JAK3: variants seen among roughly 807,000 people sequenced by gnomAD.
JAK3 encodes the protein Janus kinase 3, also known as tyrosine-protein kinase JAK3.
A neutral mutation model predicts 120.8 loss-of-function variants in JAK3; 88 were observed. The observed-to-expected ratio is 0.73, with a 90% confidence interval of 0.61 to 0.87. The LOEUF is 0.87. Among genes scored for constraint, JAK3 ranks in the 40% least tolerant of loss-of-function variants. The pLI is 0.00. For missense variants in JAK3, 1,254 were observed against 1,501.4 expected (o/e 0.84, Z 2.72); for synonymous variants, 592 against 628.6 (o/e 0.94, Z 0.87).
Position 17,847,972 on chromosome 19 carries a change from G to T in JAK3, c.-40C>A. On this transcript the variant is annotated 5_prime_UTR_variant, in exon 1 of 24. Transcript: ENST00000458235. ...TAGCGGGCAGGGACCCTGGACTTTC[G>T]AAGGGCGGGCAGAGCCGGGAGGCAG... is the stretch of plus-strand genomic sequence containing the variant. 1 of 1,039,068 alleles carries T rather than the reference G, an allele frequency of 9.6e-7. No individual in the cohort carries two copies. Among genetic ancestry groups the T allele is most frequent in the Non-Finnish European group, 1.2e-6 (1 of 861,332 alleles). 64.4% of individuals were successfully genotyped at this position (1,039,068 alleles called of 1,614,324 possible).
rs553804585 is a variant in JAK3 at position 17,828,655 on chromosome 19, T to C, written c.3207+1453A>G. On this transcript the variant is annotated intron_variant, in intron 23 of 23. Transcript: ENST00000458235. ...CCTTCTGCCTCAGCCTCCCAAAGTG[T>C]TGGGATTATAGGCATGAGCCATCGT... 2.6e-5 allele frequency among the ~76,000 whole-genome samples: 4 copies of C among 152,196 alleles called. No homozygotes were observed. In the East Asian group the frequency reaches 7.7e-4, roughly 29 times the overall value.
rs981445726 is a variant in JAK3 at position 17,837,154 on chromosome 19, G to A, written c.1761C>T (p.Leu587=). ...SQVSYRHLVL[L]HGVCMAGDST... ...TGTCTCCAGCCATGCACACGCCGTG[G>A]AGCAGCACGAGATGCCGGTACGACA... is the stretch of plus-strand genomic sequence containing the variant. Residue 587 remains leucine, a synonymous_variant, in exon 13 of 24, where the codon CTC becomes CTT. Transcript: ENST00000458235. 2.6e-6 allele frequency: 4 copies of A among 1,562,156 alleles called. No individual in the cohort carries two copies. Among genetic ancestry groups the A allele is most frequent in the Non-Finnish European group, 3.5e-6 (4 of 1,153,644 alleles).
intron 1 of JAK3, among the ~76,000 whole-genome samples, chr19:17,847,706 A>G (rs73518675): frequency 2.6e-5 from 4 of 151,612 alleles, no homozygotes; most frequent in Non-Finnish European, 5.9e-5. Context: ...CGCATGCGCA[A>G]TGACTCCTCC....
In JAK3 at chr19:17,841,534, G is replaced by A. The variant is rs199908476; in HGVS notation, c.997C>T (p.Pro333Ser). The change falls in exon 8 of 24, where the codon CCA (proline) becomes TCA (serine). Residue 333 changes from proline to serine, a missense_variant. Pro to Ser is a moderately conservative substitution (Grantham distance 74). Transcript: ENST00000458235. This position sits in a 1 kb window ranked among gnomAD's most constrained non-coding sequence, Gnocchi z 4.1. ...AACGACAGAGCCTCGGGCAGCCCTGGGAACTCGGCCTCCTGCGAGGGACAA... is the reference window on the plus strand; with the variant it reads ...AACGACAGAGCCTCGGGCAGCCCTGAGAACTCGGCCTCCTGCGAGGGACAA... ...TDNQILEAEF[P>S]GLPEALSFVA... is the part of the protein sequence containing the mutation. The A allele has an allele frequency of 6.9e-6, 11 of 1,589,450 alleles. No homozygotes were observed. Among genetic ancestry groups the A allele is most frequent in the Non-Finnish European group, 9.4e-6 (11 of 1,168,038 alleles).
At chr19:17,844,497 G>A (rs2094247704) in intron 1 of JAK3, 67 bp from the exon 2 acceptor site, 3 of 1,430,268 alleles carry the variant, frequency 2.1e-6, no homozygotes, top group Non-Finnish European at 2.9e-6. Flanking sequence ...AGCAGGGAGG[G>A]CATGGAAAGG....
rs556940512 is a variant in JAK3, at chr19:17,827,127, G to A, written c.3208-217C>T. Reference sequence around the variant, plus strand: ...CCTGAGTAGCTGGGATTATAGGCACGTGCCACCACGCCTGGCTAATTTTGT... The same window carrying A: ...CCTGAGTAGCTGGGATTATAGGCACATGCCACCACGCCTGGCTAATTTTGT... On this transcript the variant is annotated intron_variant, in intron 23 of 23. Coordinates refer to ENST00000458235, the MANE Select transcript of JAK3 (RefSeq NM_000215.4). Among the ~76,000 whole-genome samples, 10 of 149,954 alleles carry A rather than the reference G, an allele frequency of 6.7e-5. No homozygotes were observed. In the South Asian group the frequency reaches 1.1e-3, roughly 16 times the overall value.
At chr19:17,836,933 T>G in intron 13 of JAK3, 196 bp downstream of exon 13, 2 of 686,306 alleles carry the variant, frequency 2.9e-6, no homozygotes, top group Non-Finnish European at 2.7e-6. Flanking sequence ...TGGGGCTGGA[T>G]ATGGGTGAGA....
Position 17,827,717 on chromosome 19 carries a change from TAAAAAAAAAAAAAAAAAAAAAAAAAAAA to T in JAK3, c.3208-835_3208-808del, listed in dbSNP as rs760856974. Among the ~76,000 whole-genome samples, 60 of 77,694 alleles carry T rather than the reference TAAAAAAAAAAAAAAAAAAAAAAAAAAAA, an allele frequency of 7.7e-4. 1 individual carries two copies. Among genetic ancestry groups the T allele is most frequent in the African/African-American group, 3.5e-3 (59 of 16,788 alleles). The allele number at this position is 77,694 out of a possible 152,430, so 51.0% of individuals were successfully genotyped here. On this transcript the variant is annotated intron_variant, in intron 23 of 23. Transcript: ENST00000458235. Reference sequence around the variant, plus strand: ...CAACATGGAGAAACCCCATCTTAACTAAAAAAAAAAAAAAAAAAAAAAAAAAAAAAAAAAAAAAAAAATTACAGGTGGC... The same window carrying T: ...CAACATGGAGAAACCCCATCTTAACTAAAAAAAAAAAAAATTACAGGTGGC...
intron 23 of JAK3, among the ~76,000 whole-genome samples, chr19:17,827,452 A>C (rs2094205939): frequency 6.6e-6 from 1 of 151,304 alleles, no homozygotes; most frequent in African/African-American, 2.4e-5. Context: ...GGTTCAAGCG[A>C]TTCTCCTGCC....
intron 1 of JAK3, among the ~76,000 whole-genome samples, chr19:17,844,995 T>C (rs886567834): frequency 3.3e-5 from 5 of 151,032 alleles, no homozygotes; most frequent in African/African-American, 1.2e-4. Flanking sequence ...CTGAGAAAAA[T>C]TGGGGAGAAA....
rs141607788 is a variant in JAK3 at position 17,826,866 on chromosome 19, G to T, written c.3252C>A (p.Asp1084Glu). The change falls in exon 24 of 24, where the codon GAC becomes GAA. Residue 1084 changes from aspartate (D) to glutamate (E), a missense_variant. Coordinates refer to ENST00000458235, the MANE Select transcript of JAK3 (RefSeq NM_000215.4). ...MKLCWAPSPQ[D>E]RPSFSALGPQ... ...GGCCCAGGGCGCTGAATGATGGCCGGTCCTGTGGGCTAGGGGCCCAGCACA... is the reference window on the plus strand; with the variant it reads ...GGCCCAGGGCGCTGAATGATGGCCGTTCCTGTGGGCTAGGGGCCCAGCACA... 3 of 1,613,398 alleles carry T rather than the reference G, an allele frequency of 1.9e-6. No individual in the cohort carries two copies. Among genetic ancestry groups the T allele is most frequent in the Non-Finnish European group, 2.5e-6 (3 of 1,180,044 alleles).
rs1212026009 is a variant in JAK3 at position 17,841,845 on chromosome 19, C to T, written c.862-83G>A. On this transcript the variant is annotated intron_variant, in intron 6 of 23. Transcript: ENST00000458235. The surrounding 1 kb of genome is among the most constrained non-coding windows in gnomAD (Gnocchi z 4.1). Reference sequence around the variant, plus strand: ...CCATGAACCCACCCCCAAGCCACACCATCCACTCCCTATCCCTTTGCCATT... The same window carrying T: ...CCATGAACCCACCCCCAAGCCACACTATCCACTCCCTATCCCTTTGCCATT... The T allele has an allele frequency of 6.3e-7, 1 of 1,576,898 alleles. No individual in the cohort carries two copies. The highest frequency in any genetic ancestry group is 8.6e-7 in the Non-Finnish European group (1 of 1,163,630).
chr19:17,847,898 T>A, intron 1 of JAK3, 48 bp downstream of exon 1: 277 of 415,954 alleles, frequency 6.7e-4, no homozygotes, highest in Non-Finnish European at 8.4e-4. Context: ...GCCACCACCA[T>A]CCTCCCCCAG....
rs770545792 is a variant in JAK3 at position 17,842,582 on chromosome 19, G to A, written c.595C>T (p.Arg199Cys). The A allele has an allele frequency of 5.7e-6, 9 of 1,585,040 alleles. No individual in the cohort carries two copies. The South Asian group carries it at 8.0e-5, about 14-fold the overall frequency. Residue 199 changes from arginine (R) to cysteine (C), a missense_variant, in exon 6 of 24, where the codon CGC becomes TGC. Coordinates refer to ENST00000458235, the MANE Select transcript of JAK3 (RefSeq NM_000215.4). This position sits in a 1 kb window ranked among gnomAD's most constrained non-coding sequence, Gnocchi z 6.4. ...SYKACLPPSLRDLIQGLSFVT... is the reference protein window; with the variant it reads ...SYKACLPPSLCDLIQGLSFVT... Reference sequence around the variant, plus strand: ...AAGCTCAGGCCCTGGATCAGGTCGCGCAGGCTTGGGGGTAGGCAGGCCTTG... The same window carrying A: ...AAGCTCAGGCCCTGGATCAGGTCGCACAGGCTTGGGGGTAGGCAGGCCTTG...
intron 23 of JAK3, among the ~76,000 whole-genome samples, chr19:17,828,667 G>A (rs1366465209): frequency 1.3e-5 from 2 of 152,108 alleles, no homozygotes; most frequent in African/African-American, 4.8e-5. Context: ...GGGATTATAG[G>A]CATGAGCCAT....
intron 8 of JAK3, among the ~76,000 whole-genome samples, chr19:17,840,712 G>A (rs1242654581): frequency 1.3e-5 from 2 of 151,610 alleles, no homozygotes; most frequent in African/African-American, 2.4e-5. Context: ...GCATTGAGCC[G>A]AGATCGTGCC....
rs1454060920 is a variant in JAK3, at chr19:17,831,326, C to T, written c.2880G>A (p.Glu960=). The T allele has an allele frequency of 1.2e-6, 2 of 1,612,246 alleles. No homozygotes were observed. The highest frequency in any genetic ancestry group is 1.7e-6 in the Non-Finnish European group (2 of 1,179,848). ...CGAAGTCAGCGATCTTGACGTGTGC[C>T]TCGCTCTCCACGAGGATGTTTCGGG... ...LAARNILVES[E]AHVKIADFGL... is the part of the protein sequence containing the mutation. Residue 960 remains glutamate (E), a synonymous_variant, in exon 21 of 24, where the codon GAG becomes GAA. Coordinates refer to ENST00000458235, the MANE Select transcript of JAK3 (RefSeq NM_000215.4). The surrounding 1 kb of genome is among the most constrained non-coding windows in gnomAD (Gnocchi z 5.1).
In JAK3 at chr19:17,832,046, G is replaced by T. The variant is rs1218894434; in HGVS notation, c.2681-248C>A. Among the ~76,000 whole-genome samples, 1 of 152,198 alleles carries T rather than the reference G, an allele frequency of 6.6e-6. No homozygotes were observed. The highest frequency in any genetic ancestry group is 1.5e-5 in the Non-Finnish European group (1 of 68,038). ...TCCCAGCACTTTGGAAGCCTCACTTGAGGTCAGGAGTTCAAGACCAGCCTG... is the reference window on the plus strand; with the variant it reads ...TCCCAGCACTTTGGAAGCCTCACTTTAGGTCAGGAGTTCAAGACCAGCCTG... On this transcript the variant is annotated intron_variant, in intron 19 of 23. Coordinates refer to ENST00000458235, the MANE Select transcript of JAK3 (RefSeq NM_000215.4). The surrounding 1 kb of genome is among the most constrained non-coding windows in gnomAD (Gnocchi z 4.7).
At chr19:17,839,738 CTTTTTTTT>C (rs71164315) in intron 9 of JAK3, 75 bp from the exon 10 acceptor site, 19 of 796,126 alleles carry the variant, frequency 2.4e-5, no homozygotes, top group Admixed American at 5.7e-5. Flanking sequence ...CCTTTTTTTT[CTTTTTTTT>C]TTTTTTTTTT....
Sources: gnomAD v4.1 joint callset for allele counts (sites outside exome capture counted in the v4.1 genomes callset) on GRCh38, gnomAD v4.1.1 for gene constraint, Gnocchi (gnomAD v3.1) non-coding constraint, MANE v1.5 for transcripts, NCBI Gene and HGNC (gene_info 2026-07-23, HGNC 2026-07-21) for gene names.